Variants in NUP155 observed in about 807,000 individuals in gnomAD.
The protein encoded by NUP155 is nucleoporin 155.
In NUP155, 71 loss-of-function variants were observed where a neutral mutation model predicts 180.4. The ratio of observed to expected loss-of-function variants is 0.39; its 90% confidence interval spans 0.33 to 0.48. NUP155 has a LOEUF of 0.48. Among genes scored for constraint, NUP155 ranks in the 20% least tolerant of loss-of-function variants. NUP155 has a pLI of 0.91. For missense variants in NUP155, 1,553 were observed against 1,648.9 expected (o/e 0.94, Z 1.01); for synonymous variants, 582 against 559.5 (o/e 1.04, Z -0.57).
chr5:37,350,001 T>A (rs1746354759), intron 7 of NUP155, among the ~76,000 whole-genome samples, 159 bp downstream of exon 7: 1 of 152,230 alleles, frequency 6.6e-6, no homozygotes, highest in African/African-American at 2.4e-5. Context: ...CTCTAGGTTA[T>A]GATCTCCTTA....
At chr5:37,368,501 G>A (rs1209609372) in intron 1 of NUP155, among the ~76,000 whole-genome samples, 6 of 152,040 alleles carry the variant, frequency 3.9e-5, no homozygotes, top group Admixed American at 3.3e-4. Context: ...CCAAAGTGCT[G>A]AGACTATTGG....
chr5:37,296,099 A>G (rs1742547921), intron 32 of NUP155, among the ~76,000 whole-genome samples: 1 of 149,292 alleles, frequency 6.7e-6, no homozygotes, highest in African/African-American at 2.5e-5. Flanking sequence ...CCGGGAGGTG[A>G]GGGGCACCTC....
intron 1 of NUP155, among the ~76,000 whole-genome samples, chr5:37,367,919 G>A (rs1287071436): frequency 6.6e-6 from 1 of 152,118 alleles, no homozygotes; most frequent in African/African-American, 2.4e-5. Flanking sequence ...GAATAACTGG[G>A]ATTACAGCCA....
chr5:37,341,188 T>G lies in NUP155; in HGVS notation c.1148A>C (p.Asn383Thr). 6.2e-7 allele frequency: 1 copy of G among 1,614,024 alleles called. No individual in the cohort carries two copies. ...CPFRQPLARPNTLTLVHVRLP... is the reference protein window; with the variant it reads ...CPFRQPLARPTTLTLVHVRLP... The stretch of plus-strand genomic sequence containing the variant: ...GCGGACATGAACCAGCGTCAGTGTA[T>G]TAGGCCGTGCTAATGGCTGTCTGAA... The change falls in exon 11 of 35, where the codon AAT (asparagine) becomes ACT (threonine). Residue 383 changes from asparagine to threonine, a missense_variant. Physicochemically the swap from Asn to Thr is moderately conservative, Grantham distance 65. Coordinates refer to ENST00000231498, the MANE Select transcript of NUP155 (RefSeq NM_153485.3).
At chr5:37,359,051 G>A (rs1747033653) in intron 3 of NUP155, among the ~76,000 whole-genome samples, 1 of 151,508 alleles carries the variant, frequency 6.6e-6, no homozygotes, top group African/African-American at 2.4e-5. Flanking sequence ...GCTCATGCCT[G>A]TAATCTCAGC....
Position 37,288,827 on chromosome 5 carries a change from G to A in NUP155, c.*3073C>T, listed in dbSNP as rs1488028284. 1 of 147,340 alleles carries A rather than the reference G, an allele frequency of 6.8e-6. No homozygotes were observed. Among genetic ancestry groups the A allele is most frequent in the Non-Finnish European group, 1.5e-5 (1 of 67,364 alleles). 9.1% of individuals were successfully genotyped at this position (147,340 alleles called of 1,614,324 possible). A position where few individuals can be genotyped will look rare whatever the true frequency, so the allele number is the denominator to read the frequency against. On this transcript the variant is annotated 3_prime_UTR_variant, in exon 35 of 35. Coordinates refer to ENST00000231498, the MANE Select transcript of NUP155 (RefSeq NM_153485.3). Reference sequence around the variant, plus strand: ...GCCTGTAATCCCAGCTCTTTGGGAGGCCAAGGGGGGTGGATCACCTGAGGT... The same window carrying A: ...GCCTGTAATCCCAGCTCTTTGGGAGACCAAGGGGGGTGGATCACCTGAGGT...
chr5:37,348,434 T>G, intron 9 of NUP155, 71 bp downstream of exon 9: 1 of 975,986 alleles, frequency 1.0e-6, no homozygotes, highest in Non-Finnish European at 1.7e-6. Context: ...AATATATACT[T>G]TTAGAAGGCT....
chr5:37,348,227 C>A (rs1211735329), intron 9 of NUP155, among the ~76,000 whole-genome samples: 2 of 151,954 alleles, frequency 1.3e-5, no homozygotes, highest in African/African-American at 4.8e-5. Context: ...TCAGTTGAAC[C>A]CAGGAGGTGG....
rs1561818768 is a variant in NUP155, at chr5:37,365,738, A to AATATATAT, written c.158-1362_158-1355dup. Among the ~76,000 whole-genome samples the AATATATAT allele has an allele frequency of 1.7e-3, 64 of 37,138 alleles. 3 individuals are homozygous for AATATATAT. The highest frequency in any genetic ancestry group is 5.3e-3 in the Admixed American group (10 of 1,902). 24.4% of individuals were successfully genotyped at this position (37,138 alleles called of 152,430 possible). On this transcript the variant is annotated intron_variant, in intron 1 of 34. Coordinates refer to ENST00000231498, the MANE Select transcript of NUP155 (RefSeq NM_153485.3). ...GAAAAAAAAAAAAAAAAAAAAAAAA[A>AATATATAT]ATATATATATATATACACACACACA...
At position 37,294,025 on chromosome 5, in the gene NUP155, A is replaced by T. The variant is rs867835127; in HGVS notation, c.3930+304T>A. Among the ~76,000 whole-genome samples the T allele has an allele frequency of 3.7e-4, 28 of 76,040 alleles. 6 individuals are homozygous for T. Among genetic ancestry groups the T allele is most frequent in the African/African-American group, 2.6e-3 (7 of 2,656 alleles). 49.9% of individuals were successfully genotyped at this position (76,040 alleles called of 152,430 possible). On this transcript the variant is annotated intron_variant, in intron 33 of 34. Transcript: ENST00000231498. Reference sequence around the variant, plus strand: ...CGTCTCAAAAAAAAAAAAAAAAAAAAAAATAAAGCAAATGATGATTCTTAA... The same window carrying T: ...CGTCTCAAAAAAAAAAAAAAAAAAATAAATAAAGCAAATGATGATTCTTAA...
chr5:37,350,357 C>A (rs929061027), intron 6 of NUP155, 92 bp from the exon 7 acceptor site: 2 of 822,180 alleles, frequency 2.4e-6, no homozygotes, highest in Non-Finnish European at 4.1e-6. Context: ...ACCTTCAAAT[C>A]TTCATGAAAT....
In NUP155 at chr5:37,318,070, C is replaced by T. The variant is rs1444981237; in HGVS notation, c.2223G>A (p.Val741=). 2.5e-6 allele frequency: 4 copies of T among 1,608,596 alleles called. No individual in the cohort carries two copies. Among genetic ancestry groups the T allele is most frequent in the Admixed American group, 1.7e-5 (1 of 60,006 alleles). Reference sequence around the variant, plus strand: ...GCATGAATCCTATCAGCCTCTGCTGCACTTTAGCAGTAGTACTGAAACAGA... The same window carrying T: ...GCATGAATCCTATCAGCCTCTGCTGTACTTTAGCAGTAGTACTGAAACAGA... ...PLGNPNTTAK[V]QQRLIGFMRP... The change falls in exon 21 of 35, where the codon GTG becomes GTA. Residue 741 remains valine, a synonymous_variant. Transcript: ENST00000231498.
At chr5:37,367,471 TC>T (rs1272904505) in intron 1 of NUP155, among the ~76,000 whole-genome samples, 2 of 151,210 alleles carry the variant, frequency 1.3e-5, no homozygotes, top group African/African-American at 4.9e-5. Context: ...CACCTTTGCC[TC>T]CCAAATTGCT....
intron 22 of NUP155, among the ~76,000 whole-genome samples, chr5:37,313,459 T>C (rs1201873262): frequency 2.2e-5 from 3 of 136,938 alleles, no homozygotes; most frequent in African/African-American, 8.4e-5. Flanking sequence ...TAAAATGAAG[T>C]AGGAGTGGTG....
At chr5:37,313,427 T>TAAA (rs546001888) in intron 22 of NUP155, among the ~76,000 whole-genome samples, 1 of 136,404 alleles carries the variant, frequency 7.3e-6, no homozygotes, top group Non-Finnish European at 1.6e-5. Flanking sequence ...CTCCATCTCT[T>TAAA]AAAAAAAAAA....
At chr5:37,357,993 G>A (rs1412135432) in intron 4 of NUP155, 88 bp downstream of exon 4, 2 of 953,824 alleles carry the variant, frequency 2.1e-6, no homozygotes, top group Non-Finnish European at 3.4e-6. Flanking sequence ...ACTCCATCTC[G>A]AAAAAAATGT....
chr5:37,310,801 T>A lies in NUP155; in HGVS notation c.2437-58A>T. 1.0e-5 allele frequency: 13 copies of A among 1,291,526 alleles called. No individual in the cohort carries two copies. In the South Asian group the frequency reaches 1.5e-4, roughly 15 times the overall value. The allele number at this position is 1,291,526 out of a possible 1,614,324, so 80.0% of individuals were successfully genotyped here. A position where few individuals can be genotyped will look rare whatever the true frequency, so the allele number is the denominator to read the frequency against. On this transcript the variant is annotated intron_variant, in intron 22 of 34. Coordinates refer to ENST00000231498, the MANE Select transcript of NUP155 (RefSeq NM_153485.3). ...AGAAATACCATATTTCTAAACATAA[T>A]GAAATTATTTTAATAAATTAAAATA...
In NUP155 at chr5:37,307,339, T is replaced by C; in HGVS notation, c.2861A>G (p.Glu954Gly). 6.2e-7 allele frequency: 1 copy of C among 1,614,114 alleles called. No individual in the cohort carries two copies. Among genetic ancestry groups the C allele is most frequent in the Non-Finnish European group, 8.5e-7 (1 of 1,179,988 alleles). The stretch of plus-strand genomic sequence containing the variant: ...AAGTCCAACTATGTCTTCTTCTGGT[T>C]CTCCATGTTTATAGAAATGAAGCCC... ...GLGLHFYKHG[E>G]PEEDIVGLQA... Residue 954 changes from glutamate to glycine, a missense_variant, in exon 25 of 35, where the codon GAA becomes GGA. Coordinates refer to ENST00000231498, the MANE Select transcript of NUP155 (RefSeq NM_153485.3).
chr5:37,292,382 A>T (rs1581121906), intron 34 of NUP155, among the ~76,000 whole-genome samples: 1 of 151,534 alleles, frequency 6.6e-6, no homozygotes, highest in South Asian at 2.1e-4. Context: ...CGCCCAGCTA[A>T]TTTTTTTGTA....
Sources: gnomAD v4.1 joint callset for allele counts (sites outside exome capture counted in the v4.1 genomes callset) on GRCh38, gnomAD v4.1.1 for gene constraint, MANE v1.5 for transcripts, NCBI Gene and HGNC (gene_info 2026-07-23, HGNC 2026-07-21) for gene names.